Variants in ZPBP observed in about 807,000 individuals in gnomAD.
ZPBP encodes the protein zona pellucida-binding protein 1.
In ZPBP, 26 loss-of-function variants were observed where a neutral mutation model predicts 44.8. The observed-to-expected ratio is 0.58, with a 90% CI of 0.43 to 0.81. ZPBP has a LOEUF of 0.81. Among genes scored for constraint, ZPBP ranks in the 30% least tolerant of loss-of-function variants. The probability of loss-of-function intolerance (pLI) is 0.00; values close to 1 mark genes in which losing one functional copy is unlikely to be tolerated. For synonymous variants in ZPBP, 174 were observed against 153.2 expected, an observed-to-expected ratio of 1.14 and a Z score of -1.00; for missense variants, 409 against 434.0, an observed-to-expected ratio of 0.94 and a Z score of 0.51.
chr7:49,849,676 G>C (rs1159553105), downstream of ZPBP, among the ~76,000 whole-genome samples: 1 of 152,206 alleles, frequency 6.6e-6, no homozygotes, highest in Non-Finnish European at 1.5e-5. Flanking sequence ...TTCACCATTT[G>C]GTAGTGCCCT....
chr7:50,071,555 G>A (rs1029945069), intron 3 of ZPBP, among the ~76,000 whole-genome samples: 9 of 152,110 alleles, frequency 5.9e-5, no homozygotes, highest in African/African-American at 1.9e-4. Flanking sequence ...GGGAGGGCTG[G>A]CATCACCCCT....
At chr7:49,860,434 A>G (rs1416745446) in intron 2 of ZPBP, among the ~76,000 whole-genome samples, 1 of 152,194 alleles carries the variant, frequency 6.6e-6, no homozygotes, top group Admixed American at 6.5e-5. Context: ...TTAGTGCTTC[A>G]TTCCTTTCTG....
chr7:50,038,617 T>A (rs1584097067), intron 4 of ZPBP, among the ~76,000 whole-genome samples: 1 of 152,208 alleles, frequency 6.6e-6, no homozygotes, highest in South Asian at 2.1e-4. Flanking sequence ...TCCAAGGACA[T>A]ACATCAGAGG....
At chr7:49,912,385 G>A in intron 1 of ZPBP, 1 of 510,274 alleles carries the variant, frequency 2.0e-6, no homozygotes, top group South Asian at 3.2e-5. Context: ...AAGAACTTTG[G>A]GCATAAAATC....
intron 4 of ZPBP, among the ~76,000 whole-genome samples, chr7:50,057,360 C>T (rs1021772562): frequency 6.6e-6 from 1 of 152,114 alleles, no homozygotes; most frequent in Non-Finnish European, 1.5e-5. Context: ...GACACAGAAG[C>T]AGTCCAAGCC....
chr7:49,987,353 A>C (rs796322597), intron 6 of ZPBP, among the ~76,000 whole-genome samples: 7 of 152,228 alleles, frequency 4.6e-5, no homozygotes, highest in African/African-American at 1.7e-4. Context: ...TTCTCAGTCG[A>C]CTAAACTATT....
At chr7:49,963,205 G>A (rs1399147491) in intron 7 of ZPBP, among the ~76,000 whole-genome samples, 1 of 151,234 alleles carries the variant, frequency 6.6e-6, no homozygotes, top group Admixed American at 6.6e-5. Context: ...TAAGTTTTAG[G>A]ATGGTTAAAA....
chr7:50,083,739 A>G, intron 2 of ZPBP, among the ~76,000 whole-genome samples: 1 of 151,998 alleles, frequency 6.6e-6, no homozygotes, highest in East Asian at 1.9e-4. Context: ...TGGAGAAAAT[A>G]TAGATTATCA....
chr7:49,902,050 A>G (rs182747071), intron 1 of ZPBP, among the ~76,000 whole-genome samples: 4 of 152,106 alleles, frequency 2.6e-5, no homozygotes, highest in Admixed American at 2.6e-4. Flanking sequence ...AATAGATTAT[A>G]TACCTACATG....
chr7:49,890,871 A>T (rs925916007), intron 2 of ZPBP, among the ~76,000 whole-genome samples: 1 of 152,246 alleles, frequency 6.6e-6, no homozygotes, highest in Non-Finnish European at 1.5e-5. Context: ...GTATTTAAGG[A>T]TTTGTATCAG....
At chr7:49,941,761 T>C (rs1794894686) in intron 7 of ZPBP, among the ~76,000 whole-genome samples, 1 of 152,074 alleles carries the variant, frequency 6.6e-6, no homozygotes, top group Admixed American at 6.6e-5. Flanking sequence ...AACATTTTTT[T>C]TTGTGAAAAA....
intron 3 of ZPBP, among the ~76,000 whole-genome samples, chr7:50,062,043 G>T (rs1801266858): frequency 6.6e-6 from 1 of 152,126 alleles, no homozygotes; most frequent in South Asian, 2.1e-4. Context: ...TCCAAACTGA[G>T]AGCCAAATCA....
At chr7:50,053,632 C>T (rs1800794937) in intron 4 of ZPBP, among the ~76,000 whole-genome samples, 2 of 152,118 alleles carry the variant, frequency 1.3e-5, no homozygotes, top group Admixed American at 1.3e-4. Context: ...ACAGATTATT[C>T]ATTTGCCTAG....
At chr7:49,952,103 T>C (rs1206618652) in intron 7 of ZPBP, among the ~76,000 whole-genome samples, 1 of 151,830 alleles carries the variant, frequency 6.6e-6, no homozygotes, top group East Asian at 1.9e-4. Flanking sequence ...AAGTACGGGG[T>C]TTCCTTTTTG....
intron 7 of ZPBP, among the ~76,000 whole-genome samples, chr7:49,969,710 A>C (rs1165309118): frequency 6.6e-6 from 1 of 151,928 alleles, no homozygotes; most frequent in African/African-American, 2.4e-5. Flanking sequence ...AGCAAACAGC[A>C]CTGTATAAAA....
chr7:50,022,367 A>AG (rs1799141136), intron 5 of ZPBP, among the ~76,000 whole-genome samples: 1 of 152,142 alleles, frequency 6.6e-6, no homozygotes, highest in Non-Finnish European at 1.5e-5. Flanking sequence ...TAATGTAATT[A>AG]GGGACAATAG....
intron 5 of ZPBP, among the ~76,000 whole-genome samples, chr7:50,023,451 A>C (rs1335743952): frequency 6.6e-6 from 1 of 152,102 alleles, no homozygotes; most frequent in Admixed American, 6.6e-5. Context: ...AGACGATAAA[A>C]AAAAATGTAG....
intron 2 of ZPBP, among the ~76,000 whole-genome samples, chr7:49,897,722 GAA>G (rs1014626166): frequency 6.6e-6 from 1 of 152,216 alleles, no homozygotes; most frequent in African/African-American, 2.4e-5. Flanking sequence ...ATTGGGTTAG[GAA>G]AATGTAAACT....
At chr7:49,855,419 A>C (rs1230694646) in intron 2 of ZPBP, among the ~76,000 whole-genome samples, 2 of 152,134 alleles carry the variant, frequency 1.3e-5, no homozygotes, top group African/African-American at 2.4e-5. Flanking sequence ...TCTGGGTGGG[A>C]GTTTAACATC....
Sources: gnomAD v4.1 joint callset for allele counts (sites outside exome capture counted in the v4.1 genomes callset) on GRCh38, gnomAD v4.1.1 for gene constraint, MANE v1.5 for transcripts, NCBI Gene and HGNC (gene_info 2026-07-23, HGNC 2026-07-21) for gene names.